The following INO80D variants were observed in gnomAD, a reference collection of about 807,000 sequenced individuals.
INO80D encodes the protein INO80 complex subunit D.
In INO80D, 21 loss-of-function variants were observed where a neutral mutation model predicts 87.6. The observed-to-expected ratio is 0.24, with a 90% confidence interval of 0.17 to 0.35. INO80D has a LOEUF of 0.35. Ranked by LOEUF, INO80D falls within the 10% of genes least tolerant of loss-of-function variation. INO80D has a pLI of 1.00. For synonymous variants in INO80D, 440 were observed against 491.0 expected, an observed-to-expected ratio of 0.90 and a Z score of 1.37; for missense variants, 982 against 1,280.7, an observed-to-expected ratio of 0.77 and a Z score of 3.56.
rs921203076 is a variant in INO80D at position 205,995,525 on chromosome 2, T to G, written c.*8843A>C. On this transcript the variant is annotated 3_prime_UTR_variant, in exon 11 of 11. Transcript: ENST00000403263. ...GCCATTTAAAACTCATACATATACATGTGTATATACAGTTATATCAACACT... is the reference window on the plus strand; with the variant it reads ...GCCATTTAAAACTCATACATATACAGGTGTATATACAGTTATATCAACACT... The G allele has an allele frequency of 6.6e-6, 1 of 152,208 alleles. No homozygotes were observed. The highest frequency in any genetic ancestry group is 1.5e-5 in the Non-Finnish European group (1 of 68,018). The allele number at this position is 152,208 out of a possible 1,614,324, so 9.4% of individuals were successfully genotyped here.
At chr2:206,014,573 G>C (rs1303651631) in intron 8 of INO80D, among the ~76,000 whole-genome samples, 2 of 152,026 alleles carry the variant, frequency 1.3e-5, no homozygotes, top group Non-Finnish European at 2.9e-5. Context: ...GTCCCTCCTT[G>C]CCTTCTGCCG....
chr2:206,017,978 T>C (rs895144029), intron 7 of INO80D, among the ~76,000 whole-genome samples, 165 bp from the exon 8 acceptor site: 6 of 152,186 alleles, frequency 3.9e-5, no homozygotes, highest in African/African-American at 1.4e-4. Flanking sequence ...GGGAAAATAA[T>C]AGAATTTATC....
intron 6 of INO80D, among the ~76,000 whole-genome samples, chr2:206,022,973 C>T (rs1460750374): frequency 6.6e-6 from 1 of 152,096 alleles, no homozygotes; most frequent in Non-Finnish European, 1.5e-5. Context: ...CCAAGGCAGG[C>T]AGAGTACCTG....
At position 206,004,562 on chromosome 2, in the gene INO80D, C is replaced by T; in HGVS notation, c.2890G>A (p.Ala964Thr). 6.2e-7 allele frequency: 1 copy of T among 1,610,790 alleles called. No individual in the cohort carries two copies. Among genetic ancestry groups the T allele is most frequent in the African/African-American group, 1.3e-5 (1 of 74,890 alleles). ...SGMGPSAELM[A>T]STSPKQQLPQ... ...AGTTGCTGCTTGGGAGAGGTGGAGG[C>T]CATTAGTTCAGCAGAAGGCCCCATG... Residue 964 changes from alanine to threonine, a missense_variant, in exon 11 of 11, where the codon GCC (alanine) becomes ACC (threonine). By Grantham distance (58) the Ala-to-Thr change is moderately conservative. Coordinates refer to ENST00000403263, the MANE Select transcript of INO80D (RefSeq NM_017759.5). This position sits in a 1 kb window ranked among gnomAD's most constrained non-coding sequence, Gnocchi z 4.9.
At chr2:206,055,539 AC>A (rs1445077025) in intron 4 of INO80D, among the ~76,000 whole-genome samples, 1 of 152,254 alleles carries the variant, frequency 6.6e-6, no homozygotes, top group African/African-American at 2.4e-5. Flanking sequence ...CAAGAACTTC[AC>A]TAGATGCACA....
chr2:206,067,183 G>A (rs1464066210), intron 1 of INO80D, among the ~76,000 whole-genome samples: 1 of 151,730 alleles, frequency 6.6e-6, no homozygotes, highest in East Asian at 1.9e-4. Context: ...GGAGGCGGAG[G>A]TTGCAGTGAG....
intron 3 of INO80D, among the ~76,000 whole-genome samples, chr2:206,061,687 A>T (rs938526226): frequency 7.2e-5 from 11 of 152,228 alleles, no homozygotes; most frequent in Non-Finnish European, 1.3e-4. Flanking sequence ...ATCCCCATTA[A>T]ACTATTTGTA....
At chr2:206,079,275 T>C (rs534844198) in intron 1 of INO80D, among the ~76,000 whole-genome samples, 41 of 152,074 alleles carry the variant, frequency 2.7e-4, no homozygotes, top group Non-Finnish European at 5.4e-4. Flanking sequence ...GTTTCACCAC[T>C]TTGCCCAGGC....
At chr2:206,019,197 T>A (rs1688395889) in intron 7 of INO80D, among the ~76,000 whole-genome samples, 2 of 152,202 alleles carry the variant, frequency 1.3e-5, no homozygotes, top group Non-Finnish European at 2.9e-5. Context: ...TAAGATTTCA[T>A]CACCAACCTA....
In INO80D at chr2:206,005,504, C is replaced by T. The variant is rs1225796055; in HGVS notation, c.1948G>A (p.Glu650Lys). The T allele has an allele frequency of 1.9e-6, 3 of 1,612,876 alleles. No individual in the cohort carries two copies. The highest frequency in any genetic ancestry group is 1.3e-5 in the African/African-American group (1 of 74,906). ...GCCCGTTCAAGCTCCTCAGCCTCTT[C>T]GGTAGTTGGGAGGAGGTCTCCATTC... The part of the protein sequence containing the change: ...GKNGDLLPTT[E>K]EAEELERALQ... Residue 650 changes from glutamate (E) to lysine (K), a missense_variant, in exon 11 of 11, where the codon GAA (glutamate) becomes AAA (lysine). Glu to Lys is a moderately conservative substitution (Grantham distance 56, BLOSUM62 1). Coordinates refer to ENST00000403263, the MANE Select transcript of INO80D (RefSeq NM_017759.5).
At chr2:206,017,940 A>G (rs1688362360) in intron 7 of INO80D, 127 bp from the exon 8 acceptor site, 11 of 757,136 alleles carry the variant, frequency 1.5e-5, no homozygotes, top group Non-Finnish European at 1.9e-5. Flanking sequence ...AATATTACCC[A>G]TATCAGTACT....
At chr2:206,034,313 T>C (rs892357915) in intron 5 of INO80D, among the ~76,000 whole-genome samples, 1 of 152,050 alleles carries the variant, frequency 6.6e-6, no homozygotes, top group African/African-American at 2.4e-5. Flanking sequence ...CAGACCGATA[T>C]CCCTGATGAA....
chr2:206,046,302 C>G (rs1689190788), intron 5 of INO80D, among the ~76,000 whole-genome samples: 1 of 152,060 alleles, frequency 6.6e-6, no homozygotes, highest in Non-Finnish European at 1.5e-5. Flanking sequence ...TTTGGGAGGC[C>G]TAGGCGGAGA....
chr2:206,079,226 C>A (rs534149723), intron 1 of INO80D, among the ~76,000 whole-genome samples: 1 of 152,074 alleles, frequency 6.6e-6, no homozygotes, highest in African/African-American at 2.4e-5. Context: ...AAATGCACTA[C>A]CACACCTGGC....
chr2:205,999,033 AT>A lies in INO80D; in HGVS notation c.*5334del, dbSNP rs1687857565. 6.6e-6 allele frequency: 1 copy of A among 152,188 alleles called. No individual in the cohort carries two copies. The highest frequency in any genetic ancestry group is 6.5e-5 in the Admixed American group (1 of 15,274). 9.4% of individuals were successfully genotyped at this position (152,188 alleles called of 1,614,324 possible). ...TACCTTAATGATGCAGGTTGGAGTC[AT>A]TTTAGGGCAAATCAGTCTATTCCCC... On this transcript the variant is annotated 3_prime_UTR_variant, in exon 11 of 11. Transcript: ENST00000403263.
In INO80D at chr2:206,058,659, C is replaced by CG. The variant is rs1415307390; in HGVS notation, c.219-1717dup. Among the ~76,000 whole-genome samples, 14 of 151,942 alleles carry CG rather than the reference C, an allele frequency of 9.2e-5. No homozygotes were observed. The East Asian group carries it at 1.7e-3, about 19-fold the overall frequency. On this transcript the variant is annotated intron_variant, in intron 3 of 10. Transcript: ENST00000403263. ...CTGAGGTACAAGAATCGCTTGAACC[C>CG]GGGGGCAGAGGTTGCAGTGAGCTGA...
chr2:206,015,054 G>A (rs1233375058), intron 8 of INO80D, among the ~76,000 whole-genome samples: 1 of 152,170 alleles, frequency 6.6e-6, no homozygotes, highest in African/African-American at 2.4e-5. Context: ...ATGATCTAGG[G>A]TATCTGGCAG....
chr2:206,045,448 G>A (rs549194245), intron 5 of INO80D, among the ~76,000 whole-genome samples: 104 of 152,196 alleles, frequency 6.8e-4, no homozygotes, highest in Non-Finnish European at 1.4e-3. Flanking sequence ...AGCTGAGTAA[G>A]TGAGTCATCT....
chr2:206,028,271 G>C lies in INO80D; in HGVS notation c.1138C>G (p.Gln380Glu), dbSNP rs751808769. 6 of 1,612,596 alleles carry C rather than the reference G, an allele frequency of 3.7e-6. No homozygotes were observed. The Admixed American group carries it at 1.0e-4, about 27-fold the overall frequency. Residue 380 changes from glutamine to glutamate, a missense_variant, in exon 6 of 11, where the codon CAG becomes GAG. Gln to Glu is a conservative substitution (Grantham distance 29). Transcript: ENST00000403263. ...RVTQLCTYFQ[Q>E]KYKHLCRLER... ...AGGCGGCAGAGGTGCTTATATTTCT[G>C]CTGAAAGTAAGTGCAAAGTTGAGTC...
Sources: allele counts gnomAD v4.1 joint callset (sites outside exome capture counted in the v4.1 genomes callset), GRCh38; gene constraint gnomAD v4.1.1; non-coding constraint Gnocchi (gnomAD v3.1); transcripts MANE v1.5; gene names NCBI Gene and HGNC (gene_info 2026-07-23, HGNC 2026-07-21).